The following WHRN variants were observed in gnomAD, a reference collection of about 807,000 sequenced individuals.
The protein encoded by WHRN is whirlin, also known as CASK-interacting protein CIP98.
WHRN carries 41 observed loss-of-function variants against 68.3 expected under a neutral mutation model. The ratio of observed to expected loss-of-function variants is 0.60; its 90% confidence interval spans 0.47 to 0.78. WHRN has a LOEUF of 0.78. Ranked by LOEUF, WHRN falls within the 30% of genes least tolerant of loss-of-function variation. The probability of loss-of-function intolerance (pLI) is 0.00; values close to 1 mark genes in which losing one functional copy is unlikely to be tolerated. For missense variants in WHRN, 1,243 were observed against 1,244.7 expected (o/e 1.00, Z 0.02); for synonymous variants, 560 against 561.3 (o/e 1.00, Z 0.03).
intron 3 of WHRN, among the ~76,000 whole-genome samples, chr9:114,465,417 C>T (rs1840596644): frequency 6.6e-6 from 1 of 152,220 alleles, no homozygotes; most frequent in Admixed American, 6.5e-5. Flanking sequence ...TGGCCAGCCA[C>T]TCCCATCCTT....
At chr9:114,465,145 C>T (rs1227477675) in intron 3 of WHRN, among the ~76,000 whole-genome samples, 1 of 152,198 alleles carries the variant, frequency 6.6e-6, no homozygotes, top group Non-Finnish European at 1.5e-5. Context: ...CAGAGCTCTT[C>T]CCACAATGCC....
Position 114,402,275 on chromosome 9 carries a change from T to TG in WHRN, c.*478dup, listed in dbSNP as rs917669180. The TG allele has an allele frequency of 1.0e-5, 2 of 196,310 alleles. No individual in the cohort carries two copies. Among genetic ancestry groups the TG allele is most frequent in the Non-Finnish European group, 2.1e-5 (2 of 93,644 alleles). The allele number at this position is 196,310 out of a possible 1,614,324, so 12.2% of individuals were successfully genotyped here. On this transcript the variant is annotated 3_prime_UTR_variant, in exon 12 of 12. Coordinates refer to ENST00000362057, the MANE Select transcript of WHRN (RefSeq NM_015404.4). ...ATGGGGGATAAGGAGCCAGGAGGAA[T>TG]GGGGGTGTGAATGGGGAGGTGCTCG...
At chr9:114,413,584 T>C (rs751149808) in intron 7 of WHRN, among the ~76,000 whole-genome samples, 14 of 151,940 alleles carry the variant, frequency 9.2e-5, no homozygotes, top group Non-Finnish European at 1.6e-4. Context: ...AAGCACAGGG[T>C]AGGGGTGTAA....
intron 7 of WHRN, among the ~76,000 whole-genome samples, chr9:114,409,570 G>A (rs1289980865): frequency 6.6e-6 from 1 of 152,154 alleles, no homozygotes; most frequent in Non-Finnish European, 1.5e-5. Flanking sequence ...AAGCCTGAGG[G>A]CAGTGGGTTG....
chr9:114,488,395 T>C (rs1267809230), intron 1 of WHRN, among the ~76,000 whole-genome samples: 1 of 152,174 alleles, frequency 6.6e-6, no homozygotes, highest in Non-Finnish European at 1.5e-5. Context: ...CGATTCTAGG[T>C]GGTGAAGTGT....
chr9:114,434,867 C>T (rs1385962026), intron 3 of WHRN, among the ~76,000 whole-genome samples: 2 of 152,110 alleles, frequency 1.3e-5, no homozygotes, highest in African/African-American at 4.8e-5. Flanking sequence ...CTGAGAGGGG[C>T]ATTAGCATCC....
At chr9:114,420,325 C>G (rs10081697) in intron 7 of WHRN, among the ~76,000 whole-genome samples, 43,726 of 151,988 alleles carry the variant, frequency 0.29, 6,357 homozygotes, top group East Asian at 0.37. Flanking sequence ...AGGAAACAGG[C>G]GAGTCCCCAC....
chr9:114,491,045 A>T (rs1397014006), intron 1 of WHRN, among the ~76,000 whole-genome samples: 2 of 152,160 alleles, frequency 1.3e-5, no homozygotes, highest in East Asian at 3.8e-4. Context: ...AGTCATAAAT[A>T]TATTCACTCA....
At chr9:114,448,329 A>C (rs943012148) in intron 3 of WHRN, among the ~76,000 whole-genome samples, 8 of 152,158 alleles carry the variant, frequency 5.3e-5, no homozygotes, top group African/African-American at 1.7e-4. Context: ...AGGAACCAGC[A>C]AAAACTGGAA....
At chr9:114,438,492 A>G (rs1250414923) in intron 3 of WHRN, among the ~76,000 whole-genome samples, 15 of 139,414 alleles carry the variant, frequency 1.1e-4, no homozygotes, top group Admixed American at 8.3e-4. Flanking sequence ...TCACTCTGTC[A>G]CCCAGGCTGG....
chr9:114,402,680 T>C lies in WHRN; in HGVS notation c.*74A>G, dbSNP rs1834759921. ...ATGCAGCCCCAACCCCGCAAGGAGC[T>C]TGATGAAGCCAACGGTGGAAAGGGA... is the stretch of plus-strand genomic sequence containing the variant. On this transcript the variant is annotated 3_prime_UTR_variant, in exon 12 of 12. Transcript: ENST00000362057. 1.3e-6 allele frequency: 2 copies of C among 1,593,288 alleles called. No homozygotes were observed. The highest frequency in any genetic ancestry group is 1.7e-6 in the Non-Finnish European group (2 of 1,165,014).
At chr9:114,492,501 T>C (rs538236849) in intron 1 of WHRN, among the ~76,000 whole-genome samples, 1 of 152,318 alleles carries the variant, frequency 6.6e-6, no homozygotes, top group Admixed American at 6.5e-5. Context: ...CATCGCTTGG[T>C]GTAACGAATA....
intron 1 of WHRN, among the ~76,000 whole-genome samples, chr9:114,485,401 C>T (rs1842399230): frequency 6.6e-6 from 1 of 152,200 alleles, no homozygotes; most frequent in South Asian, 2.1e-4. Context: ...ATTTAAAAAG[C>T]AATTGCTGGT....
intron 1 of WHRN, among the ~76,000 whole-genome samples, chr9:114,499,211 G>A (rs1843716675): frequency 1.3e-5 from 2 of 152,170 alleles, no homozygotes; most frequent in African/African-American, 4.8e-5. Flanking sequence ...CACGGAAAAA[G>A]AATGGAGAGA....
chr9:114,481,302 G>C (rs1842077246), intron 1 of WHRN, among the ~76,000 whole-genome samples: 1 of 152,248 alleles, frequency 6.6e-6, no homozygotes, highest in Non-Finnish European at 1.5e-5. Context: ...CCAGTGGAGG[G>C]ATAACGAGGA....
chr9:114,423,583 G>T, intron 6 of WHRN, 60 bp from the exon 7 acceptor site: 2 of 1,505,148 alleles, frequency 1.3e-6, no homozygotes, highest in Non-Finnish European at 1.8e-6. Context: ...TGGAACAGGG[G>T]CCCTGCTACC....
rs536061223 is a variant in WHRN at position 114,402,891 on chromosome 9, C to T, written c.2587G>A (p.Val863Met). 9.3e-6 allele frequency: 15 copies of T among 1,613,866 alleles called. No homozygotes were observed. The highest frequency in any genetic ancestry group is 6.7e-5 in the East Asian group (3 of 44,878). The change falls in exon 12 of 12, where the codon GTG becomes ATG. Residue 863 changes from valine to methionine, a missense_variant. Coordinates refer to ENST00000362057, the MANE Select transcript of WHRN (RefSeq NM_015404.4). ...HNCGQLKVGH[V>M]ILEVNGLTLR... is the part of the protein sequence containing the mutation. Reference sequence around the variant, plus strand: ...GTCAGCCCATTCACTTCCAGAATCACGTGGCCCACCTTGAGCTGCCCACAG... The same window carrying T: ...GTCAGCCCATTCACTTCCAGAATCATGTGGCCCACCTTGAGCTGCCCACAG...
At chr9:114,485,968 C>A (rs557508104) in intron 1 of WHRN, among the ~76,000 whole-genome samples, 22 of 152,030 alleles carry the variant, frequency 1.4e-4, no homozygotes, top group Non-Finnish European at 2.6e-4. Context: ...GAGCTATGAT[C>A]GAGCCACTGC....
At chr9:114,435,498 G>A (rs1589132636) in intron 3 of WHRN, among the ~76,000 whole-genome samples, 1 of 152,216 alleles carries the variant, frequency 6.6e-6, no homozygotes, top group East Asian at 1.9e-4. Context: ...AAGACAAAGA[G>A]GTAAAAACAC....
Sources: gnomAD v4.1 joint callset for allele counts (sites outside exome capture counted in the v4.1 genomes callset) on GRCh38, gnomAD v4.1.1 for gene constraint, MANE v1.5 for transcripts, NCBI Gene and HGNC (gene_info 2026-07-23, HGNC 2026-07-21) for gene names.